ASIC2: variants seen among roughly 807,000 people sequenced by gnomAD.
The protein encoded by ASIC2 is acid sensing ion channel subunit 2, also known as acid-sensing ion channel 2.
A neutral mutation model predicts 57.3 loss-of-function variants in ASIC2; 25 were observed. The ratio of observed to expected loss-of-function variants is 0.44; its 90% CI spans 0.32 to 0.61. The LOEUF (loss-of-function observed/expected upper bound fraction) is 0.61, where lower values mean the gene tolerates loss of function less well. Among genes scored for constraint, ASIC2 ranks in the 20% least tolerant of loss-of-function variants. The probability of loss-of-function intolerance (pLI) is 0.06; values close to 1 mark genes in which losing one functional copy is unlikely to be tolerated. For missense variants in ASIC2, 641 were observed against 738.1 expected (o/e 0.87, Z 1.52); for synonymous variants, 319 against 307.5 (o/e 1.04, Z -0.39).
intron 1 of ASIC2, among the ~76,000 whole-genome samples, chr17:33,514,456 T>G (rs1914510731): frequency 6.6e-6 from 1 of 152,056 alleles, no homozygotes; most frequent in Non-Finnish European, 1.5e-5. Flanking sequence ...GGGGGGAATG[T>G]GGGAGGAATT....
intron 2 of ASIC2, among the ~76,000 whole-genome samples, chr17:33,095,678 C>A (rs996749877): frequency 6.6e-6 from 1 of 152,214 alleles, no homozygotes; most frequent in African/African-American, 2.4e-5. Flanking sequence ...GAGTGGGCAG[C>A]TGTGTAGGGA....
At chr17:33,313,203 G>C (rs1312421610) in intron 1 of ASIC2, among the ~76,000 whole-genome samples, 2 of 151,890 alleles carry the variant, frequency 1.3e-5, no homozygotes, top group Non-Finnish European at 2.9e-5. Flanking sequence ...GTGTGTATCT[G>C]TAGTCTCAGC....
intron 1 of ASIC2, among the ~76,000 whole-genome samples, chr17:33,177,944 C>T (rs1476541769): frequency 6.6e-6 from 1 of 152,150 alleles, no homozygotes; most frequent in East Asian, 1.9e-4. Flanking sequence ...CTGATCAAAA[C>T]TGAGGGCCTT....
intron 1 of ASIC2, among the ~76,000 whole-genome samples, chr17:33,731,534 G>A (rs1430705930): frequency 6.6e-6 from 1 of 152,158 alleles, no homozygotes. Flanking sequence ...GAGTTCTGCT[G>A]GGACTAATCA....
intron 1 of ASIC2, among the ~76,000 whole-genome samples, chr17:34,022,416 C>T (rs1907200102): frequency 6.6e-6 from 1 of 152,106 alleles, no homozygotes; most frequent in African/African-American, 2.4e-5. Context: ...ATACAACCTG[C>T]TCAGAGTTAA....
intron 1 of ASIC2, among the ~76,000 whole-genome samples, chr17:34,082,495 C>A (rs1909925250): frequency 6.6e-6 from 1 of 152,180 alleles, no homozygotes; most frequent in Admixed American, 6.5e-5. Context: ...AACTCCACTT[C>A]CTAAAATGCT....
intron 1 of ASIC2, among the ~76,000 whole-genome samples, chr17:33,384,102 C>A (rs947506367): frequency 6.6e-6 from 1 of 152,190 alleles, no homozygotes; most frequent in Non-Finnish European, 1.5e-5. Context: ...TTCTGGCCCC[C>A]ACCTGTTAAG....
intron 1 of ASIC2, among the ~76,000 whole-genome samples, chr17:33,471,745 A>C (rs188164975): frequency 1.6e-4 from 25 of 152,292 alleles, no homozygotes; most frequent in Admixed American, 8.5e-4. Flanking sequence ...GAGGAGGCAA[A>C]TGTGTCACAT....
chr17:33,681,949 G>A (rs989610211), intron 1 of ASIC2, among the ~76,000 whole-genome samples: 2 of 151,824 alleles, frequency 1.3e-5, no homozygotes, highest in South Asian at 4.2e-4. Flanking sequence ...TTAACTTTCT[G>A]CCCCTCACTT....
At chr17:33,485,543 T>C (rs1429072233) in intron 1 of ASIC2, among the ~76,000 whole-genome samples, 2 of 152,196 alleles carry the variant, frequency 1.3e-5, no homozygotes, top group African/African-American at 4.8e-5. Context: ...AACCCATACA[T>C]TGTGAGATGC....
At position 33,735,240 on chromosome 17, in the gene ASIC2, G is replaced by T. The variant is rs1597854640; in HGVS notation, c.555+420738C>A. 2.0e-5 allele frequency among the ~76,000 whole-genome samples: 3 copies of T among 152,236 alleles called. No individual in the cohort carries two copies. The East Asian group carries it at 5.8e-4, about 30-fold the overall frequency. ...TTCTATCTTCCTCACTTGGACAAGAGCCCCTCCATGGAGAAAGTTTGTTCC... is the reference window on the plus strand; with the variant it reads ...TTCTATCTTCCTCACTTGGACAAGATCCCCTCCATGGAGAAAGTTTGTTCC... On this transcript the variant is annotated intron_variant, in intron 1 of 9. Coordinates refer to the ASIC2 transcript ENST00000359872.
At chr17:33,705,568 A>T (rs181821697) in intron 1 of ASIC2, among the ~76,000 whole-genome samples, 43 of 152,328 alleles carry the variant, frequency 2.8e-4, no homozygotes, top group African/African-American at 1.0e-3. Context: ...AGAAGGCCAT[A>T]CGATGATGGA....
chr17:33,338,824 C>T (rs945780955), intron 1 of ASIC2, among the ~76,000 whole-genome samples: 2 of 151,998 alleles, frequency 1.3e-5, no homozygotes, highest in African/African-American at 4.8e-5. Context: ...TGGAAATAAG[C>T]CAGTCATAGA....
chr17:33,295,497 G>A (rs1226693073), upstream of ASIC2, among the ~76,000 whole-genome samples: 1 of 152,152 alleles, frequency 6.6e-6, no homozygotes. Flanking sequence ...TGCCTCCTAG[G>A]TCAAGGTTTC....
chr17:33,999,052 G>GTA (rs1224304861), intron 1 of ASIC2, among the ~76,000 whole-genome samples: 1 of 152,068 alleles, frequency 6.6e-6, no homozygotes, highest in Non-Finnish European at 1.5e-5. Context: ...AATGTTGGAT[G>GTA]TATATATATT....
chr17:33,431,753 C>T (rs1003205704), intron 1 of ASIC2, among the ~76,000 whole-genome samples: 13 of 152,022 alleles, frequency 8.6e-5, no homozygotes, highest in Non-Finnish European at 1.9e-4. Flanking sequence ...ACTATGATTG[C>T]GTTAAAATAA....
At chr17:33,860,863 C>G (rs943324395) in intron 1 of ASIC2, among the ~76,000 whole-genome samples, 20 of 152,164 alleles carry the variant, frequency 1.3e-4, no homozygotes, top group African/African-American at 4.8e-4. Context: ...CCAAAGACAT[C>G]CCACACACTG....
chr17:33,482,256 T>C (rs755194710), intron 1 of ASIC2, among the ~76,000 whole-genome samples: 6 of 152,244 alleles, frequency 3.9e-5, no homozygotes, highest in Non-Finnish European at 5.9e-5. Flanking sequence ...TCAGCCATTG[T>C]ACACTCTGGT....
intron 1 of ASIC2, among the ~76,000 whole-genome samples, chr17:33,145,440 G>A (rs1335784261): frequency 3.3e-5 from 5 of 152,192 alleles, no homozygotes; most frequent in Admixed American, 6.5e-5. Flanking sequence ...CGACTAGATC[G>A]TAGTAACACC....
Sources: gnomAD v4.1 joint callset for allele counts (sites outside exome capture counted in the v4.1 genomes callset) on GRCh38, gnomAD v4.1.1 for gene constraint, MANE v1.5 for transcripts, NCBI Gene and HGNC (gene_info 2026-07-23, HGNC 2026-07-21) for gene names.